MLYCD: variants seen among roughly 807,000 people sequenced by gnomAD.
The protein encoded by MLYCD is malonyl-CoA decarboxylase.
Under a neutral mutation model 35.8 loss-of-function variants are expected in MLYCD, and 27 were observed. The observed-to-expected ratio is 0.75, with a 90% CI of 0.56 to 1.04. MLYCD has a LOEUF of 1.04. Ranked by LOEUF, MLYCD falls within the 50% of genes least tolerant of loss-of-function variation. The pLI is 0.00. For synonymous variants in MLYCD, 403 were observed against 302.4 expected, an observed-to-expected ratio of 1.33 and a Z score of -3.45; for missense variants, 917 against 665.1, an observed-to-expected ratio of 1.38 and a Z score of -4.17.
At position 83,915,320 on chromosome 16, in the gene MLYCD, A is replaced by G. The variant is rs940775492; in HGVS notation, c.1313A>G (p.Asp438Gly). The change falls in exon 5 of 5, where the codon GAT (aspartate) becomes GGT (glycine). Residue 438 changes from aspartate to glycine, a missense_variant. By Grantham distance (94) the Asp-to-Gly change is moderately conservative. Coordinates refer to ENST00000262430, the MANE Select transcript of MLYCD (RefSeq NM_012213.3). ...CTGTGGCGCATCAACTGGATGGCGG[A>G]TGTGAGCCTCAGAGGCATCACCGGC... ...AVLWRINWMA[D>G]VSLRGITGSC... The G allele has an allele frequency of 1.2e-6, 2 of 1,613,772 alleles. No homozygotes were observed. Among genetic ancestry groups the G allele is most frequent in the African/African-American group, 2.7e-5 (2 of 74,928 alleles).
Position 83,915,906 on chromosome 16 carries a change from A to T in MLYCD, c.*417A>T. The T allele has an allele frequency of 3.6e-6, 4 of 1,099,462 alleles. No individual in the cohort carries two copies. Among genetic ancestry groups the T allele is most frequent in the Non-Finnish European group, 4.5e-6 (4 of 897,694 alleles). 68.1% of individuals were successfully genotyped at this position (1,099,462 alleles called of 1,614,324 possible). A position where few individuals can be genotyped will look rare whatever the true frequency, so the allele number is the denominator to read the frequency against. The stretch of plus-strand genomic sequence containing the variant: ...TAAGAATAGGTGTTCCTTTGTGCTC[A>T]TAAAACAGAATGCGGCGATGGTTGC... On this transcript the variant is annotated 3_prime_UTR_variant, in exon 5 of 5. Coordinates refer to ENST00000262430, the MANE Select transcript of MLYCD (RefSeq NM_012213.3).
chr16:83,906,501 A>G (rs1906979834), intron 1 of MLYCD, among the ~76,000 whole-genome samples: 1 of 152,244 alleles, frequency 6.6e-6, no homozygotes, highest in Admixed American at 6.5e-5. Flanking sequence ...TTGATGAAAT[A>G]GGGTTCCTGA....
chr16:83,908,063 G>A, intron 2 of MLYCD, 63 bp from the exon 3 acceptor site: 1 of 1,592,112 alleles, frequency 6.3e-7, no homozygotes, highest in Admixed American at 1.7e-5. Flanking sequence ...GTATGAATAG[G>A]AGTCAGCAGC....
rs1907622220 is a variant in MLYCD, at chr16:83,920,699, A to T, written c.*5210A>T. On this transcript the variant is annotated 3_prime_UTR_variant, in exon 5 of 5. Coordinates refer to ENST00000262430, the MANE Select transcript of MLYCD (RefSeq NM_012213.3). Reference sequence around the variant, plus strand: ...TCCTAGTTCCCACCTTTCACACCTCATCTCTCTAACCTCTTATGGAAAATT... The same window carrying T: ...TCCTAGTTCCCACCTTTCACACCTCTTCTCTCTAACCTCTTATGGAAAATT... 1 of 152,138 alleles carries T rather than the reference A, an allele frequency of 6.6e-6. No homozygotes were observed. The allele number at this position is 152,138 out of a possible 1,614,324, so 9.4% of individuals were successfully genotyped here.
chr16:83,899,330 G>A lies in MLYCD; in HGVS notation c.186G>A (p.Ala62=). The A allele has an allele frequency of 1.3e-6, 2 of 1,502,898 alleles. No homozygotes were observed. Among genetic ancestry groups the A allele is most frequent in the Non-Finnish European group, 1.8e-6 (2 of 1,133,322 alleles). The allele number at this position is 1,502,898 out of a possible 1,614,324, so 93.1% of individuals were successfully genotyped here. ...PAYELREKTP[A]PAEGQCADFV... ...ACGAGCTGCGCGAGAAGACACCGGC[G>A]CCCGCCGAGGGTCAGTGCGCGGACT... The change falls in exon 1 of 5, where the codon GCG becomes GCA. Residue 62 remains alanine, a synonymous_variant. Coordinates refer to ENST00000262430, the MANE Select transcript of MLYCD (RefSeq NM_012213.3).
intron 1 of MLYCD, among the ~76,000 whole-genome samples, chr16:83,900,582 ATTTT>A (rs1156957811): frequency 1.6e-4 from 19 of 121,050 alleles, no homozygotes; most frequent in African/African-American, 4.4e-4. Context: ...TGCCCGGCTA[ATTTT>A]TTTTTTTTTT....
intron 4 of MLYCD, chr16:83,912,897 A>C: frequency 5.2e-6 from 1 of 191,812 alleles, no homozygotes; most frequent in Non-Finnish European, 1.1e-5. Context: ...TTTTAATCTA[A>C]CTCTCCTCTC....
At chr16:83,909,623 T>G (rs1266085074) in intron 3 of MLYCD, among the ~76,000 whole-genome samples, 2 of 121,536 alleles carry the variant, frequency 1.6e-5, no homozygotes, top group African/African-American at 3.6e-5. Flanking sequence ...GTGTTGTGTT[T>G]TTTTTTTTTT....
chr16:83,901,194 A>C (rs1339377273), intron 1 of MLYCD, among the ~76,000 whole-genome samples: 1 of 152,228 alleles, frequency 6.6e-6, no homozygotes, highest in Non-Finnish European at 1.5e-5. Context: ...AGAATCAGTC[A>C]TGAATTCTTA....
chr16:83,908,602 A>T (rs145304828), intron 3 of MLYCD, among the ~76,000 whole-genome samples: 1 of 152,322 alleles, frequency 6.6e-6, no homozygotes, highest in African/African-American at 2.4e-5. Flanking sequence ...CAGATACCTG[A>T]TTCATACATA....
chr16:83,904,225 T>TA (rs1420077308), intron 1 of MLYCD, among the ~76,000 whole-genome samples: 1 of 152,200 alleles, frequency 6.6e-6, no homozygotes, highest in Non-Finnish European at 1.5e-5. Context: ...CAGTACCTCT[T>TA]ACGCAGAGCT....
intron 1 of MLYCD, among the ~76,000 whole-genome samples, chr16:83,902,154 C>CATATATAT (rs1555537762): frequency 3.0e-4 from 25 of 84,448 alleles, no homozygotes; most frequent in Middle Eastern, 6.8e-3. Context: ...TGTGTGCGTG[C>CATATATAT]GTATATATAT....
At position 83,908,120 on chromosome 16, in the gene MLYCD, C is replaced by A. The variant is rs755854038; in HGVS notation, c.642-6C>A. On this transcript the variant is annotated splice_polypyrimidine_tract_variant and splice_region_variant and intron_variant, in intron 2 of 4. Coordinates refer to ENST00000262430, the MANE Select transcript of MLYCD (RefSeq NM_012213.3). The stretch of plus-strand genomic sequence containing the variant: ...TTGTCTTGTCTCTTTATAAATTCCG[C>A]CCCAGGGCTGAGGCTGTGCATCCTG... The A allele has an allele frequency of 6.2e-7, 1 of 1,614,104 alleles. No individual in the cohort carries two copies. Among genetic ancestry groups the A allele is most frequent in the East Asian group, 2.2e-5 (1 of 44,900 alleles).
Position 83,918,815 on chromosome 16 carries a change from G to T in MLYCD, c.*3326G>T, listed in dbSNP as rs1294701302. ...GGAGAATACGCACACACAGTGCACAGAACACAGACACAGTACACAGGAGAA... is the reference window on the plus strand; with the variant it reads ...GGAGAATACGCACACACAGTGCACATAACACAGACACAGTACACAGGAGAA... On this transcript the variant is annotated 3_prime_UTR_variant, in exon 5 of 5. Transcript: ENST00000262430. The T allele has an allele frequency of 6.9e-6, 1 of 144,660 alleles. No individual in the cohort carries two copies. Among genetic ancestry groups the T allele is most frequent in the African/African-American group, 2.6e-5 (1 of 38,188 alleles). The allele number at this position is 144,660 out of a possible 1,614,324, so 9.0% of individuals were successfully genotyped here. A position where few individuals can be genotyped will look rare whatever the true frequency, so the allele number is the denominator to read the frequency against.
At chr16:83,902,347 G>C (rs914911030) in intron 1 of MLYCD, among the ~76,000 whole-genome samples, 8 of 150,616 alleles carry the variant, frequency 5.3e-5, no homozygotes, top group African/African-American at 1.5e-4. Flanking sequence ...ATAGGTGTGA[G>C]CCCAGATGTA....
In MLYCD at chr16:83,926,570, C is replaced by G. The variant is rs981814585; in HGVS notation, c.*11081C>G. 2.0e-5 allele frequency: 3 copies of G among 152,290 alleles called. No homozygotes were observed. Among genetic ancestry groups the G allele is most frequent in the Non-Finnish European group, 2.9e-5 (2 of 68,088 alleles). The allele number at this position is 152,290 out of a possible 1,614,324, so 9.4% of individuals were successfully genotyped here. ...GCAGGCTAGACAGCGTTCCCCAAGT[C>G]CCCCCTTGAGCTGGGTGGGCTGCCC... On this transcript the variant is annotated 3_prime_UTR_variant, in exon 5 of 5. Transcript: ENST00000262430.
intron 3 of MLYCD, among the ~76,000 whole-genome samples, chr16:83,910,205 T>C (rs1907125629): frequency 6.8e-6 from 1 of 147,408 alleles, no homozygotes; most frequent in South Asian, 2.1e-4. Context: ...TTTTTTTTTA[T>C]GCATGGTTTT....
chr16:83,902,930 A>G (rs1884574129), intron 1 of MLYCD, among the ~76,000 whole-genome samples: 1 of 152,036 alleles, frequency 6.6e-6, no homozygotes, highest in African/African-American at 2.4e-5. Context: ...CTGTGGTTGC[A>G]TGGTAGGTGT....
intron 1 of MLYCD, among the ~76,000 whole-genome samples, chr16:83,905,719 A>G (rs1423627320): frequency 6.6e-6 from 1 of 152,090 alleles, no homozygotes; most frequent in African/African-American, 2.4e-5. Context: ...CTTACCCCTC[A>G]TTGACCAGAA....
Sources: gnomAD v4.1 joint callset for allele counts (sites outside exome capture counted in the v4.1 genomes callset) on GRCh38, gnomAD v4.1.1 for gene constraint, MANE v1.5 for transcripts, NCBI Gene and HGNC (gene_info 2026-07-23, HGNC 2026-07-21) for gene names.